The following SLC9A4 variants were observed in gnomAD, a reference collection of about 807,000 sequenced individuals.
SLC9A4 encodes the protein sodium/hydrogen exchanger 4.
In SLC9A4, 63 loss-of-function variants were observed where a neutral mutation model predicts 67.4. The observed-to-expected ratio is 0.93, with a 90% CI of 0.76 to 1.15. The LOEUF (loss-of-function observed/expected upper bound fraction) is 1.15, where lower values mean the gene tolerates loss of function less well. Ranked by LOEUF, SLC9A4 falls within the 50% of genes most tolerant of loss-of-function variation. The pLI, the probability that SLC9A4 is intolerant of heterozygous loss-of-function variation, is 0.00. For missense variants in SLC9A4, 1,089 were observed against 987.7 expected, an observed-to-expected ratio of 1.10 and a Z score of -1.38; for synonymous variants, 393 against 367.2, an observed-to-expected ratio of 1.07 and a Z score of -0.80.
chr2:102,500,418 C>T lies in SLC9A4; in HGVS notation c.721-3030C>T, dbSNP rs185419306. ...AATTTGAGCCACCTAGCTTGTGGTACTTTGTCACAGCATCCCTAGGAGAGT... is the reference window on the plus strand; with the variant it reads ...AATTTGAGCCACCTAGCTTGTGGTATTTTGTCACAGCATCCCTAGGAGAGT... On this transcript the variant is annotated intron_variant, in intron 2 of 11. Transcript: ENST00000295269. 1.2e-3 allele frequency among the ~76,000 whole-genome samples: 180 copies of T among 152,290 alleles called. 1 individual carries two copies. Among genetic ancestry groups the T allele is most frequent in the African/African-American group, 4.1e-3 (172 of 41,566 alleles).
chr2:102,511,564 T>C (rs1449064267), intron 6 of SLC9A4, among the ~76,000 whole-genome samples: 2 of 151,988 alleles, frequency 1.3e-5, no homozygotes, highest in African/African-American at 4.8e-5. Flanking sequence ...AAATTTAAAA[T>C]ATTTGGAGAC....
intron 4 of SLC9A4, chr2:102,505,775 A>G (rs538957487): frequency 3.4e-6 from 1 of 296,450 alleles, no homozygotes; most frequent in East Asian, 6.6e-5. Flanking sequence ...GGAAAAATAC[A>G]TGTTTGTTAC....
intron 9 of SLC9A4, among the ~76,000 whole-genome samples, chr2:102,523,972 T>C (rs545615152): frequency 6.6e-6 from 1 of 152,346 alleles, no homozygotes; most frequent in Admixed American, 6.5e-5. Context: ...GCCTGTACTC[T>C]ATGACCCCCG....
rs748988940 is a variant in SLC9A4, at chr2:102,508,876, C to T, written c.1431C>T (p.Tyr477=). 1.9e-6 allele frequency: 3 copies of T among 1,613,138 alleles called. No individual in the cohort carries two copies. The highest frequency in any genetic ancestry group is 2.2e-5 in the South Asian group (2 of 90,860). ...TCACAGTTGGCCCTCTGGTCAGGTA[C>T]CTGGATGTTAAAAAAACCAATAAAA... ...QGITVGPLVR[Y]LDVKKTNKKE... is the part of the protein sequence containing the mutation. Residue 477 remains tyrosine (Y), a synonymous_variant, in exon 6 of 12, where the codon TAC becomes TAT. Transcript: ENST00000295269.
intron 2 of SLC9A4, among the ~76,000 whole-genome samples, chr2:102,498,976 G>T (rs1319710868): frequency 6.6e-6 from 1 of 152,168 alleles, no homozygotes; most frequent in African/African-American, 2.4e-5. Context: ...AAGCCCAGGG[G>T]GATGGGAGAG....
intron 2 of SLC9A4, among the ~76,000 whole-genome samples, chr2:102,500,070 A>G (rs1684893559): frequency 6.6e-6 from 1 of 152,200 alleles, no homozygotes; most frequent in African/African-American, 2.4e-5. Flanking sequence ...TCGTAACTGG[A>G]AACAGTGTCT....
intron 2 of SLC9A4, among the ~76,000 whole-genome samples, chr2:102,480,579 A>C (rs1317645677): frequency 6.6e-6 from 1 of 152,208 alleles, no homozygotes; most frequent in Non-Finnish European, 1.5e-5. Context: ...TCTTACAAGC[A>C]ATGTTGAAAT....
At chr2:102,512,009 A>C (rs1240712208) in intron 6 of SLC9A4, among the ~76,000 whole-genome samples, 194 bp from the exon 7 acceptor site, 2 of 152,192 alleles carry the variant, frequency 1.3e-5, no homozygotes, top group Non-Finnish European at 2.9e-5. Flanking sequence ...CAGAGTCTTT[A>C]AACCAAAGTT....
chr2:102,517,125 G>C (rs930138593), intron 8 of SLC9A4, among the ~76,000 whole-genome samples: 1 of 152,110 alleles, frequency 6.6e-6, no homozygotes, highest in Non-Finnish European at 1.5e-5. Context: ...ACTGTATTTT[G>C]AGGAGCAGCA....
chr2:102,514,141 C>A lies in SLC9A4; in HGVS notation c.1611C>A (p.Asn537Lys), dbSNP rs1685225381. The A allele has an allele frequency of 2.5e-6, 4 of 1,613,814 alleles. No homozygotes were observed. The highest frequency in any genetic ancestry group is 3.4e-6 in the Non-Finnish European group (4 of 1,179,970). Residue 537 changes from asparagine to lysine, a missense_variant, in exon 8 of 12, where the codon AAC becomes AAA. By Grantham distance (94) the Asn-to-Lys change is moderately conservative. Transcript: ENST00000295269. ...RYLRKILIRKNLPKSSIVSLY... is the reference protein window; with the variant it reads ...RYLRKILIRKKLPKSSIVSLY... ...TACGGAAAATCCTCATCAGAAAGAA[C>A]CTACCCAAATCAAGCATTGTTTCTT...
chr2:102,479,079 C>A lies in SLC9A4; in HGVS notation c.497C>A (p.Ala166Asp), dbSNP rs147421167. The change falls in exon 2 of 12, where the codon GCC (alanine) becomes GAC (aspartate). Residue 166 changes from alanine to aspartate, a missense_variant. Coordinates refer to ENST00000295269, the MANE Select transcript of SLC9A4 (RefSeq NM_001011552.4). ...ATCCTGTGGTGGGCAGTATTGGGGG[C>A]CCTGATCAACGCCTTGGGCATTGGC... Reference protein sequence around the residue: ...GSILWWAVLGALINALGIGLS... With the variant: ...GSILWWAVLGDLINALGIGLS... 36 of 1,614,070 alleles carry A rather than the reference C, an allele frequency of 2.2e-5. No homozygotes were observed. The Admixed American group carries it at 5.7e-4, about 25-fold the overall frequency.
chr2:102,522,380 G>A lies in SLC9A4; in HGVS notation c.1818+2425G>A, dbSNP rs546548429. 1.3e-3 allele frequency among the ~76,000 whole-genome samples: 201 copies of A among 152,226 alleles called. 1 individual carries two copies. The highest frequency in any genetic ancestry group is 4.6e-3 in the African/African-American group (191 of 41,516). On this transcript the variant is annotated intron_variant, in intron 9 of 11. Coordinates refer to ENST00000295269, the MANE Select transcript of SLC9A4 (RefSeq NM_001011552.4). ...GCTCAAGGTCCAGTGGGAAATGCAAGCTCCACTATAACACAGAAATGGAGG... is the reference window on the plus strand; with the variant it reads ...GCTCAAGGTCCAGTGGGAAATGCAAACTCCACTATAACACAGAAATGGAGG...
At position 102,478,934 on chromosome 2, in the gene SLC9A4, G is replaced by C. The variant is rs369337029; in HGVS notation, c.352G>C (p.Asp118His). 1.2e-6 allele frequency: 2 copies of C among 1,613,946 alleles called. No homozygotes were observed. Among genetic ancestry groups the C allele is most frequent in the South Asian group, 1.1e-5 (1 of 91,060 alleles). Residue 118 changes from aspartate to histidine, a missense_variant, in exon 2 of 12, where the codon GAC becomes CAC. Coordinates refer to ENST00000295269, the MANE Select transcript of SLC9A4 (RefSeq NM_001011552.4). The stretch of plus-strand genomic sequence containing the variant: ...GGTGGGCGGCATCATCTTCGGCACC[G>C]ACCACAAATCGCCTCCGGTCATGGA... ...ALVGGIIFGT[D>H]HKSPPVMDSS...
chr2:102,495,133 TA>T (rs1403763149), intron 2 of SLC9A4, among the ~76,000 whole-genome samples: 2 of 151,956 alleles, frequency 1.3e-5, no homozygotes, highest in African/African-American at 4.8e-5. Flanking sequence ...ATACAGAGTA[TA>T]TTTTTTTTAC....
At chr2:102,528,241 C>G (rs1199713968) in intron 11 of SLC9A4, among the ~76,000 whole-genome samples, 1 of 152,128 alleles carries the variant, frequency 6.6e-6, no homozygotes, top group Non-Finnish European at 1.5e-5. Flanking sequence ...CTCCTGACCT[C>G]AGGTGATCCC....
At chr2:102,504,656 A>G (rs1038280435) in intron 3 of SLC9A4, among the ~76,000 whole-genome samples, 2 of 152,180 alleles carry the variant, frequency 1.3e-5, no homozygotes, top group African/African-American at 4.8e-5. Context: ...GTAGAGAAAT[A>G]CCTCTTTCAA....
chr2:102,475,089 A>C (rs1053125197), intron 1 of SLC9A4, among the ~76,000 whole-genome samples: 17 of 152,332 alleles, frequency 1.1e-4, no homozygotes, highest in African/African-American at 4.1e-4. Flanking sequence ...TAAAGTGTGA[A>C]TATTAAATAG....
At position 102,491,317 on chromosome 2, in the gene SLC9A4, CTTTTTTTTTTTTTTTTT is replaced by C. The variant is rs61708027; in HGVS notation, c.720+12034_720+12050del. Among the ~76,000 whole-genome samples, 27 of 45,770 alleles carry C rather than the reference CTTTTTTTTTTTTTTTTT, an allele frequency of 5.9e-4. No homozygotes were observed. The East Asian group carries it at 0.014, about 23-fold the overall frequency. 30.0% of individuals were successfully genotyped at this position (45,770 alleles called of 152,430 possible). ...ATTTCTCTTCCCATTTGTACTAATG[CTTTTTTTTTTTTTTTTT>C]TTTTTTTTTTTTTTTTTTACTGTTA... On this transcript the variant is annotated intron_variant, in intron 2 of 11. Coordinates refer to ENST00000295269, the MANE Select transcript of SLC9A4 (RefSeq NM_001011552.4).
At chr2:102,477,020 G>A (rs1329903435) in intron 1 of SLC9A4, among the ~76,000 whole-genome samples, 1 of 152,132 alleles carries the variant, frequency 6.6e-6, no homozygotes, top group Non-Finnish European at 1.5e-5. Context: ...GAATGGAGAA[G>A]TTCAAAGCCA....
Sources: gnomAD v4.1 joint callset for allele counts (sites outside exome capture counted in the v4.1 genomes callset) on GRCh38, gnomAD v4.1.1 for gene constraint, MANE v1.5 for transcripts, NCBI Gene and HGNC (gene_info 2026-07-23, HGNC 2026-07-21) for gene names.